Variants in AGO3 observed in about 807,000 individuals in gnomAD.
AGO3 encodes protein argonaute-3.
In AGO3, 16 loss-of-function variants were observed where a neutral mutation model predicts 105.5. That is an observed-to-expected ratio of 0.15 (90% confidence interval 0.10 to 0.23). The LOEUF (loss-of-function observed/expected upper bound fraction) is 0.23. Ranked by LOEUF, AGO3 falls within the 10% of genes least tolerant of loss-of-function variation. The pLI is 1.00. For synonymous variants in AGO3, 340 were observed against 367.3 expected, an observed-to-expected ratio of 0.93 and a Z score of 0.85; for missense variants, 534 against 1,088.0, an observed-to-expected ratio of 0.49 and a Z score of 7.16.
chr1:35,961,866 C>T (rs753586196), intron 2 of AGO3, among the ~76,000 whole-genome samples: 7 of 152,038 alleles, frequency 4.6e-5, no homozygotes, highest in Non-Finnish European at 7.4e-5. Flanking sequence ...GGGCTTGTAC[C>T]CTTTTCCACA....
intron 2 of AGO3, among the ~76,000 whole-genome samples, chr1:35,955,346 A>G (rs1303874178): frequency 6.6e-6 from 1 of 152,244 alleles, no homozygotes; most frequent in Non-Finnish European, 1.5e-5. Context: ...AAAAATACAT[A>G]TAGATATAAA....
At chr1:35,938,618 G>A (rs1646197216) in intron 1 of AGO3, among the ~76,000 whole-genome samples, 1 of 152,100 alleles carries the variant, frequency 6.6e-6, no homozygotes, top group Non-Finnish European at 1.5e-5. Context: ...CTCATTGATA[G>A]TGGTTTAGAT....
At chr1:35,965,090 C>T (rs1214964808) in intron 2 of AGO3, among the ~76,000 whole-genome samples, 1 of 151,382 alleles carries the variant, frequency 6.6e-6, no homozygotes, top group Non-Finnish European at 1.5e-5. Context: ...TTGGGTTTCC[C>T]AGAATTCGTA....
chr1:36,019,754 T>C (rs1002806045), intron 11 of AGO3, among the ~76,000 whole-genome samples: 2 of 149,900 alleles, frequency 1.3e-5, no homozygotes, highest in Non-Finnish European at 2.9e-5. Context: ...CCAATATATA[T>C]GTAAGGTGTT....
chr1:36,013,281 G>A (rs537309315), intron 9 of AGO3: 3 of 176,384 alleles, frequency 1.7e-5, no homozygotes, highest in African/African-American at 7.1e-5. Flanking sequence ...TCACTATGTT[G>A]CCCAGGCTAG....
At chr1:35,963,701 AAAACTT>A (rs751380625) in intron 2 of AGO3, among the ~76,000 whole-genome samples, 3 of 152,122 alleles carry the variant, frequency 2.0e-5, no homozygotes, top group Non-Finnish European at 2.9e-5. Flanking sequence ...ATAAAAAAGA[AAAACTT>A]AAAATAATCC....
In AGO3 at chr1:36,050,724, A is replaced by G. The variant is rs183309426; in HGVS notation, c.2275-4222A>G. On this transcript the variant is annotated intron_variant, in intron 17 of 18. Coordinates refer to ENST00000373191, the MANE Select transcript of AGO3 (RefSeq NM_024852.4). The stretch of plus-strand genomic sequence containing the variant: ...GGAGAATCGCTTGAACCCAGGAGGC[A>G]GAGATTGCAGAGCCGAGATCACACC... 6.6e-3 allele frequency among the ~76,000 whole-genome samples: 980 copies of G among 149,030 alleles called. 8 individuals carry two copies. Among genetic ancestry groups the G allele is most frequent in the African/African-American group, 0.023 (931 of 40,236 alleles).
intron 2 of AGO3, among the ~76,000 whole-genome samples, chr1:35,949,435 G>A (rs965876151): frequency 1.3e-5 from 2 of 152,094 alleles, no homozygotes; most frequent in African/African-American, 4.8e-5. Flanking sequence ...AAACTTGGTG[G>A]TCTTCTGAAA....
chr1:36,020,630 T>TATTC (rs1236766829), intron 11 of AGO3, among the ~76,000 whole-genome samples: 1 of 152,070 alleles, frequency 6.6e-6, no homozygotes, highest in African/African-American at 2.4e-5. Context: ...TTTATTTATT[T>TATTC]ATTGAGACGG....
At chr1:36,043,922 T>C (rs1642355022) in intron 17 of AGO3, among the ~76,000 whole-genome samples, 1 of 151,938 alleles carries the variant, frequency 6.6e-6, no homozygotes, top group Non-Finnish European at 1.5e-5. Context: ...AGACTAGAAC[T>C]CTTGGGCTCA....
chr1:36,045,891 A>G (rs1557710840), intron 17 of AGO3, among the ~76,000 whole-genome samples: 3 of 152,188 alleles, frequency 2.0e-5, no homozygotes, highest in Non-Finnish European at 4.4e-5. Context: ...CCTGGAGTGC[A>G]TCAGAGGAGT....
In AGO3 at chr1:36,068,722, CTCT is replaced by C. The variant is rs1232819824; in HGVS notation, c.*12979_*12981del. The C allele has an allele frequency of 6.6e-6, 1 of 152,122 alleles. No homozygotes were observed. The highest frequency in any genetic ancestry group is 2.4e-5 in the African/African-American group (1 of 41,416). 9.4% of individuals were successfully genotyped at this position (152,122 alleles called of 1,614,324 possible). On this transcript the variant is annotated 3_prime_UTR_variant, in exon 19 of 19. Coordinates refer to ENST00000373191, the MANE Select transcript of AGO3 (RefSeq NM_024852.4). ...GAATTAATACTTAACCTGTTCATTT[CTCT>C]TAATTTATGTATTTATTCTGACTTT...
intron 11 of AGO3, among the ~76,000 whole-genome samples, chr1:36,024,441 T>TGGC (rs1641399813): frequency 6.6e-6 from 1 of 152,046 alleles, no homozygotes; most frequent in African/African-American, 2.4e-5. Flanking sequence ...TCTGCCGACC[T>TGGC]TCTTGACATC....
chr1:36,035,051 T>C (rs1320341224), intron 13 of AGO3, among the ~76,000 whole-genome samples: 1 of 152,204 alleles, frequency 6.6e-6, no homozygotes, highest in African/African-American at 2.4e-5. Context: ...AAAAGTTAAC[T>C]GTACACCACA....
intron 5 of AGO3, among the ~76,000 whole-genome samples, chr1:35,981,732 T>C (rs558500364): frequency 3.3e-5 from 5 of 152,332 alleles, no homozygotes; most frequent in Non-Finnish European, 5.9e-5. Flanking sequence ...CCTCCACTTA[T>C]TGTTCTGCCA....
chr1:36,016,382 C>A (rs1640904071), intron 11 of AGO3, among the ~76,000 whole-genome samples: 1 of 151,990 alleles, frequency 6.6e-6, no homozygotes, highest in Non-Finnish European at 1.5e-5. Flanking sequence ...GGGTTTCACT[C>A]TGTTGGCCAG....
intron 11 of AGO3, among the ~76,000 whole-genome samples, chr1:36,016,210 C>G (rs1237236626): frequency 6.6e-6 from 1 of 152,198 alleles, no homozygotes; most frequent in African/African-American, 2.4e-5. Context: ...GAGACAGAGT[C>G]TTGCTCTGTC....
intron 5 of AGO3, among the ~76,000 whole-genome samples, chr1:35,991,445 G>A (rs1183065961): frequency 6.6e-6 from 1 of 151,186 alleles, no homozygotes; most frequent in Non-Finnish European, 1.5e-5. Context: ...TGTTGCCCTG[G>A]GAATTCCTTT....
intron 5 of AGO3, among the ~76,000 whole-genome samples, chr1:36,000,233 A>G (rs1369585208): frequency 6.6e-6 from 1 of 152,194 alleles, no homozygotes; most frequent in African/African-American, 2.4e-5. Flanking sequence ...ATTAAATATT[A>G]AGAATTCATC....
Sources: gnomAD v4.1 joint callset for allele counts (sites outside exome capture counted in the v4.1 genomes callset) on GRCh38, gnomAD v4.1.1 for gene constraint, MANE v1.5 for transcripts, NCBI Gene and HGNC (gene_info 2026-07-23, HGNC 2026-07-21) for gene names.